INKA2: variants seen among roughly 807,000 people sequenced by gnomAD.
INKA2 encodes inka box actin regulator 2, also known as PAK4-inhibitor INKA2.
A neutral mutation model predicts 9.8 loss-of-function variants in INKA2; 3 were observed. The ratio of observed to expected loss-of-function variants is 0.31; its 90% CI spans 0.14 to 0.79. The LOEUF is 0.79. Ranked by LOEUF, INKA2 falls within the 30% of genes least tolerant of loss-of-function variation. INKA2 has a pLI of 0.62. For synonymous variants in INKA2, 147 were observed against 143.3 expected, an observed-to-expected ratio of 1.03 and a Z score of -0.18; for missense variants, 392 against 384.4, an observed-to-expected ratio of 1.02 and a Z score of -0.17.
At chr1:111,742,234 A>G (rs1179791029), upstream of INKA2, among the ~76,000 whole-genome samples, 1 of 152,152 alleles carries the variant, frequency 6.6e-6, no homozygotes, top group African/African-American at 2.4e-5. Context: ...ACTGGGCATC[A>G]GTTTCCCCTG....
chr1:111,733,987 G>A (rs1662962003), intron 1 of INKA2, among the ~76,000 whole-genome samples: 1 of 152,158 alleles, frequency 6.6e-6, no homozygotes, highest in Non-Finnish European at 1.5e-5. Flanking sequence ...TTCAGCCCCT[G>A]GGGAAGCTAG....
At position 111,726,028 on chromosome 1, in the gene INKA2, C is replaced by T. The variant is rs760218969; in HGVS notation, c.*940G>A. The T allele has an allele frequency of 2.3e-5, 9 of 398,536 alleles. No individual in the cohort carries two copies. Among genetic ancestry groups the T allele is most frequent in the South Asian group, 1.3e-4 (1 of 7,866 alleles). The allele number at this position is 398,536 out of a possible 1,614,324, so 24.7% of individuals were successfully genotyped here. On this transcript the variant is annotated 3_prime_UTR_variant, in exon 2 of 2. Coordinates refer to ENST00000357260, the MANE Select transcript of INKA2 (RefSeq NM_019099.5). ...CTGGGATTACAGGCGTGAGCCACAGCGCCCAGCCTGCGGGGTGCTAAGAAC... is the reference window on the plus strand; with the variant it reads ...CTGGGATTACAGGCGTGAGCCACAGTGCCCAGCCTGCGGGGTGCTAAGAAC...
At chr1:111,750,866 G>A (rs941153863) in intron 1 of INKA2, among the ~76,000 whole-genome samples, 1 of 152,196 alleles carries the variant, frequency 6.6e-6, no homozygotes, top group Non-Finnish European at 1.5e-5. Flanking sequence ...TATAGGGCCA[G>A]TATATCTCTG....
chr1:111,752,272 T>C (rs566698063), intron 1 of INKA2, among the ~76,000 whole-genome samples: 1 of 152,322 alleles, frequency 6.6e-6, no homozygotes, highest in South Asian at 2.1e-4. Context: ...GCTCCTATTT[T>C]GGGGCCTTAC....
In INKA2 at chr1:111,727,786, C is replaced by T; in HGVS notation, c.76G>A (p.Gly26Ser). 6.2e-7 allele frequency: 1 copy of T among 1,607,064 alleles called. No individual in the cohort carries two copies. Among genetic ancestry groups the T allele is most frequent in the Non-Finnish European group, 8.5e-7 (1 of 1,179,986 alleles). ...TTCATCTGATCCTGTAAGCCATCAC[C>T]CACCTCCTTCATGGACATCTGCAGG... ...KQELMSMKEVGDGLQDQMNCM... is the reference protein window; with the variant it reads ...KQELMSMKEVSDGLQDQMNCM... The change falls in exon 2 of 2, where the codon GGT (glycine) becomes AGT (serine). Residue 26 changes from glycine (G) to serine (S), a missense_variant. Gly to Ser is a moderately conservative substitution (Grantham distance 56). Coordinates refer to ENST00000357260, the MANE Select transcript of INKA2 (RefSeq NM_019099.5).
At chr1:111,754,507 G>A (rs1373319706) in intron 1 of INKA2, 1 of 152,086 alleles carries the variant, frequency 6.6e-6, no homozygotes, top group Non-Finnish European at 1.5e-5. Flanking sequence ...TTTAAGTTTG[G>A]TATTCTTTGT....
intron 1 of INKA2, among the ~76,000 whole-genome samples, chr1:111,733,859 C>T (rs1662960050): frequency 6.6e-6 from 1 of 152,208 alleles, no homozygotes; most frequent in African/African-American, 2.4e-5. Context: ...CATCTCACGC[C>T]CTCTCCCAGC....
upstream of INKA2, among the ~76,000 whole-genome samples, chr1:111,740,632 C>G (rs919036384): frequency 1.3e-5 from 2 of 152,240 alleles, no homozygotes; most frequent in East Asian, 3.9e-4. Flanking sequence ...ACGAACGGTG[C>G]CGGCGCCGCC....
chr1:111,752,230 G>T (rs1209685758), intron 1 of INKA2, among the ~76,000 whole-genome samples: 1 of 152,174 alleles, frequency 6.6e-6, no homozygotes, highest in African/African-American at 2.4e-5. Flanking sequence ...TTCTCTACAA[G>T]GGCAAAATGA....
At chr1:111,728,058 C>T (rs1662831100) in intron 1 of INKA2, among the ~76,000 whole-genome samples, 1 of 151,504 alleles carries the variant, frequency 6.6e-6, no homozygotes, top group Non-Finnish European at 1.5e-5. Context: ...CACACACACA[C>T]ACACACACAC....
upstream of INKA2, among the ~76,000 whole-genome samples, chr1:111,743,259 C>A (rs114031570): frequency 6.5e-3 from 989 of 152,208 alleles, 2 homozygotes; most frequent in Non-Finnish European, 0.011. Flanking sequence ...ATAAAGAAAT[C>A]AAAGGTCTTG....
intron 1 of INKA2, among the ~76,000 whole-genome samples, chr1:111,738,818 C>G (rs1663067209): frequency 6.6e-6 from 1 of 152,068 alleles, no homozygotes; most frequent in African/African-American, 2.4e-5. Flanking sequence ...GCTCCCCAGG[C>G]CTTCGCTCTC....
Position 111,755,783 on chromosome 1 carries a change from C to A in INKA2, n.42G>T, listed in dbSNP as rs1663529404. ...GTGTGTCTGGGCAGTCTCTCAGCCT[C>A]CGACTCCCGTCCCTTTCTTCCACTT... On this transcript the variant is annotated non_coding_transcript_exon_variant, in exon 1 of 2. Coordinates refer to the INKA2 transcript ENST00000444059. 3.7e-6 allele frequency: 6 copies of A among 1,611,456 alleles called. No homozygotes were observed. In the South Asian group the frequency reaches 6.6e-5, roughly 18 times the overall value.
At chr1:111,729,660 GC>G (rs962973763) in intron 1 of INKA2, among the ~76,000 whole-genome samples, 2 of 152,208 alleles carry the variant, frequency 1.3e-5, no homozygotes, top group African/African-American at 4.8e-5. Context: ...TGTTTCTTAA[GC>G]CCCCCAGAGA....
chr1:111,739,165 C>G, intron 1 of INKA2, 21 bp downstream of exon 1: 1 of 1,611,562 alleles, frequency 6.2e-7, no homozygotes, highest in Non-Finnish European at 8.5e-7. Context: ...CTCCCTGCCC[C>G]GGCGCCAGCT....
rs1237950993 is a variant in INKA2, at chr1:111,727,649, C to G, written c.213G>C (p.Arg71Ser). The G allele has an allele frequency of 6.2e-7, 1 of 1,609,724 alleles. No homozygotes were observed. Among genetic ancestry groups the G allele is most frequent in the East Asian group, 2.2e-5 (1 of 44,876 alleles). ...CCCAACAAGGGTGCTCGCACTGGGTCCTGGGACCTTCAGGGCTGCCTGGCA... is the reference window on the plus strand; with the variant it reads ...CCCAACAAGGGTGCTCGCACTGGGTGCTGGGACCTTCAGGGCTGCCTGGCA... ...GPVPGSPEGP[R>S]TQCEHPCWEG... Residue 71 changes from arginine to serine, a missense_variant, in exon 2 of 2, where the codon AGG (arginine) becomes AGC (serine). By Grantham distance (110) the Arg-to-Ser change is moderately radical. Coordinates refer to ENST00000357260, the MANE Select transcript of INKA2 (RefSeq NM_019099.5).
At chr1:111,737,354 C>T (rs1005053175) in intron 1 of INKA2, among the ~76,000 whole-genome samples, 5 of 152,138 alleles carry the variant, frequency 3.3e-5, no homozygotes, top group African/African-American at 1.2e-4. Flanking sequence ...CCCCTCACCA[C>T]CTCCCACCTA....
At chr1:111,739,444 A>G (rs1207275045), upstream of INKA2, 1 of 1,432,464 alleles carries the variant, frequency 7.0e-7, no homozygotes, top group Non-Finnish European at 9.2e-7. Context: ...GGTGGAGGGA[A>G]AAGTGGGACA....
At chr1:111,754,390 C>T (rs1216612532) in intron 1 of INKA2, 9 of 152,150 alleles carry the variant, frequency 5.9e-5, no homozygotes, top group African/African-American at 1.7e-4. Context: ...CAAAGCCCCT[C>T]CTATATCATA....
Sources: allele counts gnomAD v4.1 joint callset (sites outside exome capture counted in the v4.1 genomes callset), GRCh38; gene constraint gnomAD v4.1.1; transcripts MANE v1.5; gene names NCBI Gene and HGNC (gene_info 2026-07-23, HGNC 2026-07-21).